MRPL1: variants seen among roughly 807,000 people sequenced by gnomAD.
MRPL1 encodes mitochondrial ribosomal protein L1, also known as large ribosomal subunit protein uL1m.
MRPL1 carries 28 observed loss-of-function variants against 38.0 expected under a neutral mutation model. The observed-to-expected ratio is 0.74, with a 90% CI of 0.55 to 1.01. The LOEUF is 1.01. Ranked by LOEUF, MRPL1 falls within the 50% of genes least tolerant of loss-of-function variation. The probability of loss-of-function intolerance (pLI) is 0.00; values close to 1 mark genes in which losing one functional copy is unlikely to be tolerated. For missense variants in MRPL1, 358 were observed against 389.8 expected (o/e 0.92, Z 0.69); for synonymous variants, 123 against 126.7 (o/e 0.97, Z 0.20).
intron 7 of MRPL1, among the ~76,000 whole-genome samples, chr4:77,934,486 A>C (rs1429702192): frequency 6.6e-6 from 1 of 152,192 alleles, no homozygotes; most frequent in East Asian, 1.9e-4. Context: ...AATCACAATG[A>C]GATACCCCTT....
intron 2 of MRPL1, among the ~76,000 whole-genome samples, chr4:77,882,136 T>G (rs1027491317): frequency 2.0e-5 from 3 of 152,370 alleles, no homozygotes; most frequent in African/African-American, 7.2e-5. Flanking sequence ...AGAGAACATA[T>G]GGCTCACAAA....
At chr4:77,884,304 T>C (rs1735624189) in intron 3 of MRPL1, among the ~76,000 whole-genome samples, 1 of 151,954 alleles carries the variant, frequency 6.6e-6, no homozygotes, top group Non-Finnish European at 1.5e-5. Context: ...CCGAGGAGGA[T>C]GTTTCTACTC....
intron 2 of MRPL1, among the ~76,000 whole-genome samples, chr4:77,878,602 A>C (rs916438211): frequency 2.0e-5 from 3 of 152,140 alleles, no homozygotes; most frequent in Non-Finnish European, 2.9e-5. Flanking sequence ...ATTTTAGGCC[A>C]GGTGCAGTGG....
chr4:77,874,011 T>C (rs1203008829), intron 2 of MRPL1, among the ~76,000 whole-genome samples: 1 of 151,972 alleles, frequency 6.6e-6, no homozygotes, highest in African/African-American at 2.4e-5. Context: ...CTTTTTTTTT[T>C]TTTTTGAGAT....
chr4:77,918,203 G>T (rs888180245), intron 7 of MRPL1, among the ~76,000 whole-genome samples: 2 of 152,120 alleles, frequency 1.3e-5, no homozygotes, highest in African/African-American at 4.8e-5. Context: ...GTAGATAAAG[G>T]GTCGTTCGTA....
chr4:77,906,017 A>C (rs1736149713), intron 6 of MRPL1, among the ~76,000 whole-genome samples: 1 of 152,232 alleles, frequency 6.6e-6, no homozygotes, highest in Non-Finnish European at 1.5e-5. Context: ...AGAAGTTATC[A>C]GTGGATAGAT....
In MRPL1 at chr4:77,894,879, T is replaced by A. The variant is rs1455432425; in HGVS notation, c.670+629T>A. Among the ~76,000 whole-genome samples, 3 of 152,134 alleles carry A rather than the reference T, an allele frequency of 2.0e-5. No individual in the cohort carries two copies. In the East Asian group the frequency reaches 5.8e-4, roughly 29 times the overall value. On this transcript the variant is annotated intron_variant, in intron 6 of 8. Coordinates refer to ENST00000315567, the MANE Select transcript of MRPL1 (RefSeq NM_020236.4). ...TTAAACATAAAGGAGGTAACATTAG[T>A]TGGATGAATTGATTGAGGAGAATAT...
At chr4:77,873,339 A>G (rs1056499571) in intron 2 of MRPL1, among the ~76,000 whole-genome samples, 3 of 152,210 alleles carry the variant, frequency 2.0e-5, no homozygotes, top group African/African-American at 7.2e-5. Context: ...GAAGGATTTC[A>G]GCCTAAATTT....
chr4:77,917,344 T>G (rs962296235), intron 7 of MRPL1, among the ~76,000 whole-genome samples: 3 of 152,158 alleles, frequency 2.0e-5, no homozygotes, highest in Admixed American at 1.3e-4. Flanking sequence ...ATTGTAAAAT[T>G]GAAGTGTTCA....
chr4:77,936,399 A>AAAAAC (rs1157283948), intron 7 of MRPL1, among the ~76,000 whole-genome samples: 8 of 152,190 alleles, frequency 5.3e-5, no homozygotes, highest in Admixed American at 3.3e-4. Flanking sequence ...AGCTTTCTTT[A>AAAAAC]AAAACAAAAC....
chr4:77,935,921 G>T (rs1736961309), intron 7 of MRPL1, among the ~76,000 whole-genome samples: 1 of 110,064 alleles, frequency 9.1e-6, no homozygotes, highest in South Asian at 3.0e-4. Flanking sequence ...GACAGAGCAA[G>T]ACTATGTCTC....
chr4:77,896,355 T>C (rs1735912333), intron 6 of MRPL1, among the ~76,000 whole-genome samples: 1 of 152,198 alleles, frequency 6.6e-6, no homozygotes, highest in Non-Finnish European at 1.5e-5. Context: ...AAGTATGTTT[T>C]TCCCCCCTAT....
chr4:77,871,908 T>A (rs961585345), intron 2 of MRPL1, 53 bp downstream of exon 2: 26 of 1,212,624 alleles, frequency 2.1e-5, no homozygotes, highest in South Asian at 1.9e-4. Context: ...TAATTTTTTT[T>A]AAAAAGCATG....
chr4:77,944,188 T>C (rs1240230807), intron 7 of MRPL1, among the ~76,000 whole-genome samples: 1 of 152,174 alleles, frequency 6.6e-6, no homozygotes, highest in Non-Finnish European at 1.5e-5. Context: ...GTTACCAGGC[T>C]CCAGGCTGGT....
chr4:77,898,948 TAG>T (rs966839622), intron 6 of MRPL1, among the ~76,000 whole-genome samples: 3 of 151,558 alleles, frequency 2.0e-5, no homozygotes, highest in African/African-American at 7.3e-5. Context: ...TTTTCTGCAG[TAG>T]AGAAACTAGT....
At chr4:77,918,480 G>T (rs1444049593) in intron 7 of MRPL1, among the ~76,000 whole-genome samples, 1 of 152,054 alleles carries the variant, frequency 6.6e-6, no homozygotes, top group East Asian at 1.9e-4. Flanking sequence ...ATTGTAGCCT[G>T]TGTGAAAGAG....
In MRPL1 at chr4:77,919,214, G is replaced by C. The variant is rs1370495931; in HGVS notation, c.777+9842G>C. On this transcript the variant is annotated intron_variant, in intron 7 of 8. Coordinates refer to ENST00000315567, the MANE Select transcript of MRPL1 (RefSeq NM_020236.4). The stretch of plus-strand genomic sequence containing the variant: ...CATACCACAAATCCATTTTATATTA[G>C]CTGTGAGGCTCTCAGAACTTGCTTT... Among the ~76,000 whole-genome samples, 6 of 152,042 alleles carry C rather than the reference G, an allele frequency of 3.9e-5. No homozygotes were observed. The South Asian group carries it at 8.3e-4, about 21-fold the overall frequency.
At chr4:77,949,685 G>C (rs1400964947) in intron 7 of MRPL1, 112 bp from the exon 8 acceptor site, 1 of 628,824 alleles carries the variant, frequency 1.6e-6, no homozygotes, top group Non-Finnish European at 2.7e-6. Context: ...TTTCACAGTA[G>C]GGTCATTTAC....
At chr4:77,882,753 T>G (rs1735574781) in intron 2 of MRPL1, among the ~76,000 whole-genome samples, 1 of 152,250 alleles carries the variant, frequency 6.6e-6, no homozygotes, top group South Asian at 2.1e-4. Context: ...TTGGGTTGTT[T>G]CTACTTTTTG....
Sources: allele counts gnomAD v4.1 joint callset (sites outside exome capture counted in the v4.1 genomes callset), GRCh38; gene constraint gnomAD v4.1.1; transcripts MANE v1.5; gene names NCBI Gene and HGNC (gene_info 2026-07-23, HGNC 2026-07-21).